The following DHX58 variants were observed in gnomAD, a reference collection of about 807,000 sequenced individuals.
DHX58 encodes ATP-dependent RNA helicase DHX58.
A neutral mutation model predicts 65.0 loss-of-function variants in DHX58; 51 were observed. That is an observed-to-expected ratio of 0.78 (90% CI 0.63 to 0.99). The LOEUF (loss-of-function observed/expected upper bound fraction) is 0.99, where lower values mean the gene tolerates loss of function less well. Ranked by LOEUF, DHX58 falls within the 50% of genes least tolerant of loss-of-function variation. The pLI is 0.00. For missense variants in DHX58, 773 were observed against 891.8 expected, an observed-to-expected ratio of 0.87 and a Z score of 1.70; for synonymous variants, 350 against 365.0, an observed-to-expected ratio of 0.96 and a Z score of 0.47.
intron 2 of DHX58, 68 bp downstream of exon 2, chr17:42,112,045 C>A: frequency 1.0e-6 from 1 of 979,502 alleles, no homozygotes; most frequent in Non-Finnish European, 1.5e-6. Flanking sequence ...CAGGACCCTG[C>A]TCTGCCCAAA....
intron 12 of DHX58, chr17:42,103,361 T>G: frequency 3.7e-6 from 2 of 537,552 alleles, no homozygotes; most frequent in South Asian, 4.5e-5. Context: ...ACACTTAGTA[T>G]CCTGAATTCC....
At chr17:42,108,202 T>A (rs1555663255) in intron 6 of DHX58, 94 bp from the exon 7 acceptor site, 4 of 1,570,284 alleles carry the variant, frequency 2.5e-6, no homozygotes, top group Non-Finnish European at 3.5e-6. Flanking sequence ...ACACCGCGAC[T>A]GCCTCACCCA....
Position 42,107,601 on chromosome 17 carries a change from C to A in DHX58, c.997+3G>T. On this transcript the variant is annotated splice_donor_region_variant and intron_variant, in intron 8 of 13. Transcript: ENST00000251642. ...GGCCCCGAAGCCCCCTCCCGCCCCTCACCATCGAACAGGGCCAGCAGCCGG... is the reference window on the plus strand; with the variant it reads ...GGCCCCGAAGCCCCCTCCCGCCCCTAACCATCGAACAGGGCCAGCAGCCGG... 6.3e-7 allele frequency: 1 copy of A among 1,582,914 alleles called. No homozygotes were observed. Among genetic ancestry groups the A allele is most frequent in the Non-Finnish European group, 8.6e-7 (1 of 1,161,368 alleles).
At position 42,101,692 on chromosome 17, in the gene DHX58, G is replaced by A; in HGVS notation, c.*69C>T. The stretch of plus-strand genomic sequence containing the variant: ...CCACAGCTGATGATTCAGGAAGGAG[G>A]GGCCTGGAGTCTGCTGCAGACTCTC... On this transcript the variant is annotated 3_prime_UTR_variant, in exon 14 of 14. Transcript: ENST00000251642. The A allele has an allele frequency of 6.4e-7, 1 of 1,554,726 alleles. No homozygotes were observed. Among genetic ancestry groups the A allele is most frequent in the Non-Finnish European group, 8.7e-7 (1 of 1,143,692 alleles).
Position 42,103,770 on chromosome 17 carries a change from G to A in DHX58, c.1592C>T (p.Thr531Ile). The change falls in exon 12 of 14, where the codon ACC becomes ATC. Residue 531 changes from threonine to isoleucine, a missense_variant. Coordinates refer to ENST00000251642, the MANE Select transcript of DHX58 (RefSeq NM_024119.3). ...KIRDLQQAALTKRAAQAAQRE... is the reference protein window; with the variant it reads ...KIRDLQQAALIKRAAQAAQRE... Reference sequence around the variant, plus strand: ...CTGGGCTGCCTGGGCCGCCCGCTTGGTCAAGGCTGCCTGCTGCAGATCCCG... The same window carrying A: ...CTGGGCTGCCTGGGCCGCCCGCTTGATCAAGGCTGCCTGCTGCAGATCCCG... 6.2e-7 allele frequency: 1 copy of A among 1,610,016 alleles called. No homozygotes were observed. The highest frequency in any genetic ancestry group is 8.5e-7 in the Non-Finnish European group (1 of 1,179,906).
In DHX58 at chr17:42,101,766, C is replaced by A. The variant is rs1211164367; in HGVS notation, c.2032G>T (p.Asp678Tyr). The part of the protein sequence containing the change: ...CAENLSDLSL[D>Y] ...GCACTGCAGCAATGAGGTGGTCAGT[C>A]CAGGGAGAGGTCCGACAAGTTCTCG... The change falls in exon 14 of 14, where the codon GAC (aspartate) becomes TAC (tyrosine). Residue 678 changes from aspartate (D) to tyrosine (Y), a missense_variant. Coordinates refer to ENST00000251642, the MANE Select transcript of DHX58 (RefSeq NM_024119.3). 1 of 1,614,044 alleles carries A rather than the reference C, an allele frequency of 6.2e-7. No individual in the cohort carries two copies.
chr17:42,112,004 G>T, intron 2 of DHX58, 109 bp downstream of exon 2: 1 of 1,377,952 alleles, frequency 7.3e-7, no homozygotes, highest in Non-Finnish European at 9.8e-7. Context: ...CCCACTTGAG[G>T]GAGGTGGGGC....
chr17:42,110,698 G>A, intron 5 of DHX58, 25 bp downstream of exon 5: 1 of 1,566,060 alleles, frequency 6.4e-7, no homozygotes, highest in Non-Finnish European at 8.6e-7. Context: ...TCTGGCAGTG[G>A]GAGGCCCACA....
In DHX58 at chr17:42,108,602, G is replaced by A. The variant is rs924560725; in HGVS notation, c.679-494C>T. On this transcript the variant is annotated intron_variant, in intron 6 of 13. Coordinates refer to ENST00000251642, the MANE Select transcript of DHX58 (RefSeq NM_024119.3). ...CCTGCAAGGGACAGCCGGTCGCCTT[G>A]AAGGTGGGCAGTGGGGAGCCAGGAA... 9.8e-5 allele frequency among the ~76,000 whole-genome samples: 15 copies of A among 152,360 alleles called. No individual in the cohort carries two copies. The South Asian group carries it at 2.1e-3, about 21-fold the overall frequency.
chr17:42,112,520 G>C (rs950269236), intron 1 of DHX58, 85 bp downstream of exon 1: 92 of 152,052 alleles, frequency 6.1e-4, no homozygotes, highest in African/African-American at 1.5e-3. Flanking sequence ...GGGAGGTGGG[G>C]GGGGGGACAC....
chr17:42,104,947 G>T lies in DHX58; in HGVS notation c.1402-20C>A. The T allele has an allele frequency of 6.2e-7, 1 of 1,613,696 alleles. No individual in the cohort carries two copies. The highest frequency in any genetic ancestry group is 1.1e-5 in the South Asian group (1 of 91,088). On this transcript the variant is annotated intron_variant, in intron 10 of 13. Transcript: ENST00000251642. ...CCTGGCCTGGGAAGAGAGACAAGGG[G>T]TGTCCTGAGTTGGGCTGGGGCCCCA... is the stretch of plus-strand genomic sequence containing the variant.
intron 10 of DHX58, 23 bp downstream of exon 10, chr17:42,104,995 T>C (rs1220639138): frequency 6.2e-7 from 1 of 1,612,054 alleles, no homozygotes; most frequent in Non-Finnish European, 8.5e-7. Context: ...TAAGGGCGGC[T>C]GAGTGGAGGA....
rs972285279 is a variant in DHX58 at position 42,111,469 on chromosome 17, T to G, written c.197A>C (p.Glu66Ala). 3.7e-6 allele frequency: 6 copies of G among 1,613,910 alleles called. No homozygotes were observed. The highest frequency in any genetic ancestry group is 4.2e-6 in the Non-Finnish European group (5 of 1,179,970). Residue 66 changes from glutamate (E) to alanine (A), a missense_variant, in exon 4 of 14, where the codon GAG (glutamate) becomes GCG (alanine). Coordinates refer to ENST00000251642, the MANE Select transcript of DHX58 (RefSeq NM_024119.3). Reference sequence around the variant, plus strand: ...GCGTCCATCCAGCATGCGCCTGAACTCTTCACCATGCTGGGTCACCAGGTG... The same window carrying G: ...GCGTCCATCCAGCATGCGCCTGAACGCTTCACCATGCTGGGTCACCAGGTG... The part of the protein sequence containing the change: ...RVHLVTQHGE[E>A]FRRMLDGRWT...
intron 13 of DHX58, 123 bp downstream of exon 13, chr17:42,102,093 T>G (rs1312062512): frequency 5.6e-6 from 8 of 1,433,826 alleles, no homozygotes; most frequent in Non-Finnish European, 7.7e-6. Context: ...GGGCTGGACC[T>G]CCCTCTTCAG....
At chr17:42,107,492 C>T in intron 8 of DHX58, 112 bp downstream of exon 8, 3 of 1,234,018 alleles carry the variant, frequency 2.4e-6, no homozygotes, top group Non-Finnish European at 2.2e-6. Context: ...AGGATCTCCA[C>T]CAGTATCCTC....
At chr17:42,111,019 C>T (rs1174681712) in intron 4 of DHX58, 106 bp from the exon 5 acceptor site, 1 of 1,308,586 alleles carries the variant, frequency 7.6e-7, no homozygotes, top group Non-Finnish European at 1.0e-6. Flanking sequence ...CTTCCCTTCA[C>T]AACCTGCAGC....
At chr17:42,108,313 G>T (rs964001208) in intron 6 of DHX58, among the ~76,000 whole-genome samples, 1 of 152,188 alleles carries the variant, frequency 6.6e-6, no homozygotes, top group Non-Finnish European at 1.5e-5. Flanking sequence ...TTTGGCCTGG[G>T]CACGGTGATG....
intron 9 of DHX58, 127 bp downstream of exon 9, chr17:42,105,609 G>C: frequency 6.8e-7 from 1 of 1,470,468 alleles, no homozygotes; most frequent in Non-Finnish European, 8.9e-7. Context: ...CTCTGCCTGG[G>C]GATAGTCAAC....
chr17:42,108,525 C>T (rs1015848704), intron 6 of DHX58, among the ~76,000 whole-genome samples: 3 of 152,222 alleles, frequency 2.0e-5, no homozygotes, highest in South Asian at 2.1e-4. Context: ...TGGTTCAGCT[C>T]GGCACGGCAG....
Sources: gnomAD v4.1 joint callset for allele counts (sites outside exome capture counted in the v4.1 genomes callset) on GRCh38, gnomAD v4.1.1 for gene constraint, MANE v1.5 for transcripts, NCBI Gene and HGNC (gene_info 2026-07-23, HGNC 2026-07-21) for gene names.